Variants in OR3A2 observed in about 807,000 individuals in gnomAD.
OR3A2 encodes olfactory receptor family 3 subfamily A member 2.
For missense variants in OR3A2, 318 were observed against 392.8 expected (o/e 0.81, Z 1.61); for synonymous variants, 126 against 159.3 (o/e 0.79, Z 1.57).
intron 3 of OR3A2, among the ~76,000 whole-genome samples, chr17:3,328,692 G>A (rs71368133): frequency 0.36 from 51,143 of 140,242 alleles, 7,289 homozygotes; most frequent in South Asian, 0.47. Context: ...TTGGCTGTGG[G>A]TTTGTCATAG....
At chr17:3,283,417 G>A (rs1597316444) in intron 1 of OR3A2, among the ~76,000 whole-genome samples, 1 of 152,222 alleles carries the variant, frequency 6.6e-6, no homozygotes, top group African/African-American at 2.4e-5. Flanking sequence ...TAGAGACAGG[G>A]TTTCTCCATG....
chr17:3,344,147 G>A (rs1216092129), intron 2 of OR3A2, among the ~76,000 whole-genome samples: 1 of 152,016 alleles, frequency 6.6e-6, no homozygotes, highest in African/African-American at 2.4e-5. Flanking sequence ...CCTTCTTTAG[G>A]TGGCATGTTA....
At position 3,386,117 on chromosome 17, in the gene OR3A2, T is replaced by G; in HGVS notation, c.-275+8A>C. The G allele has an allele frequency of 2.5e-6, 1 of 398,860 alleles. No homozygotes were observed. The highest frequency in any genetic ancestry group is 4.4e-5 in the Admixed American group (1 of 22,734). 24.7% of individuals were successfully genotyped at this position (398,860 alleles called of 1,614,324 possible). A position where few individuals can be genotyped will look rare whatever the true frequency, so the allele number is the denominator to read the frequency against. On this transcript the variant is annotated splice_region_variant and intron_variant, in intron 1 of 4. Transcript: ENST00000573491. ...CTCCGCTCCCCCATGTATTACTTCTTGGGTCACCTGAGCCTCGTGGACGTC... is the reference window on the plus strand; with the variant it reads ...CTCCGCTCCCCCATGTATTACTTCTGGGGTCACCTGAGCCTCGTGGACGTC...
intron 2 of OR3A2, among the ~76,000 whole-genome samples, chr17:3,366,924 C>A (rs2049569242): frequency 6.6e-6 from 1 of 152,176 alleles, no homozygotes; most frequent in Non-Finnish European, 1.5e-5. Context: ...TTAGCCAGAA[C>A]CAGGTCATAT....
intron 3 of OR3A2, among the ~76,000 whole-genome samples, chr17:3,327,528 T>C (rs1263699560): frequency 1.3e-4 from 17 of 131,642 alleles, no homozygotes; most frequent in African/African-American, 5.3e-4. Context: ...CTGATGGTAG[T>C]TTCTTTTGCT....
chr17:3,352,499 G>A (rs9889405), intron 2 of OR3A2, among the ~76,000 whole-genome samples: 23,007 of 151,694 alleles, frequency 0.15, 2,316 homozygotes, highest in African/African-American at 0.28. Context: ...AACACCATTT[G>A]TTAAAGAGAC....
At chr17:3,312,296 T>C (rs1196094074) in intron 3 of OR3A2, among the ~76,000 whole-genome samples, 2 of 152,148 alleles carry the variant, frequency 1.3e-5, no homozygotes, top group African/African-American at 2.4e-5. Flanking sequence ...AGCAAAACTA[T>C]ATTTGTATTC....
intron 3 of OR3A2, among the ~76,000 whole-genome samples, chr17:3,327,012 A>G (rs1243050573): frequency 1.2e-5 from 1 of 82,446 alleles, no homozygotes; most frequent in Non-Finnish European, 2.1e-5. Flanking sequence ...CGCAATAAAC[A>G]TACGTGTGCA....
chr17:3,378,046 C>T (rs1296150578), intron 2 of OR3A2, among the ~76,000 whole-genome samples: 1 of 152,246 alleles, frequency 6.6e-6, no homozygotes, highest in Non-Finnish European at 1.5e-5. Flanking sequence ...ATGAGGTTCG[C>T]ACACCAGGCT....
chr17:3,358,572 T>G (rs1371625092), intron 2 of OR3A2, among the ~76,000 whole-genome samples: 4 of 151,750 alleles, frequency 2.6e-5, no homozygotes, highest in Admixed American at 2.6e-4. Context: ...TTAATTTCCA[T>G]GTAATTGCAT....
intron 3 of OR3A2, among the ~76,000 whole-genome samples, chr17:3,313,076 G>C (rs2049057029): frequency 6.6e-6 from 1 of 152,194 alleles, no homozygotes; most frequent in South Asian, 2.1e-4. Context: ...GTAAGTACTG[G>C]AACCTGAGAT....
chr17:3,367,471 T>C (rs1302250003), intron 2 of OR3A2, among the ~76,000 whole-genome samples: 1 of 151,812 alleles, frequency 6.6e-6, no homozygotes, highest in Non-Finnish European at 1.5e-5. Flanking sequence ...TGTTTGATTT[T>C]CCACTCCTGA....
intron 2 of OR3A2, among the ~76,000 whole-genome samples, chr17:3,356,177 TTA>T (rs754462224): frequency 6.6e-6 from 1 of 151,410 alleles, no homozygotes; most frequent in African/African-American, 2.4e-5. Flanking sequence ...TTGTTTCTCT[TTA>T]TGTCTTATTG....
intron 3 of OR3A2, chr17:3,292,386 A>C: frequency 6.2e-7 from 1 of 1,614,130 alleles, no homozygotes; most frequent in Non-Finnish European, 8.5e-7. Flanking sequence ...TAGGTTCCCC[A>C]GGAAGAAGTA....
intron 2 of OR3A2, among the ~76,000 whole-genome samples, chr17:3,337,447 C>T (rs1407138013): frequency 1.3e-5 from 2 of 152,044 alleles, no homozygotes; most frequent in East Asian, 3.9e-4. Context: ...ACGAGAGGCC[C>T]CGGTGTGTGA....
chr17:3,348,126 T>C (rs2049384810), intron 2 of OR3A2, among the ~76,000 whole-genome samples: 1 of 152,160 alleles, frequency 6.6e-6, no homozygotes, highest in African/African-American at 2.4e-5. Flanking sequence ...TTTGAGTTCA[T>C]TGTAGATTCT....
intron 1 of OR3A2, among the ~76,000 whole-genome samples, chr17:3,282,458 G>C (rs780816205): frequency 5.9e-5 from 9 of 152,182 alleles, no homozygotes; most frequent in Non-Finnish European, 1.3e-4. Flanking sequence ...GTTTCATGTG[G>C]ATAACGTGCA....
At chr17:3,377,416 G>A (rs1256605418) in intron 2 of OR3A2, 1 of 152,140 alleles carries the variant, frequency 6.6e-6, no homozygotes. Flanking sequence ...TATTATTGTT[G>A]CTTATTTTAT....
intron 2 of OR3A2, among the ~76,000 whole-genome samples, chr17:3,360,429 C>T (rs2049502673): frequency 6.6e-6 from 1 of 151,618 alleles, no homozygotes; most frequent in South Asian, 2.1e-4. Context: ...TAATTAGATC[C>T]CAGTTGTCAA....
Sources: allele counts gnomAD v4.1 joint callset (sites outside exome capture counted in the v4.1 genomes callset), GRCh38; gene constraint gnomAD v4.1.1; transcripts MANE v1.5; gene names NCBI Gene and HGNC (gene_info 2026-07-23, HGNC 2026-07-21).